Variants in SPATA31E1 observed in about 807,000 individuals in gnomAD.
The protein encoded by SPATA31E1 is SPATA31 subfamily E member 1, also known as spermatogenesis-associated protein 31E1.
Under a neutral mutation model 12.9 loss-of-function variants are expected in SPATA31E1, and 7 were observed. That is an observed-to-expected ratio of 0.54 (90% CI 0.31 to 1.02). The LOEUF (loss-of-function observed/expected upper bound fraction) is 1.02. Among genes scored for constraint, SPATA31E1 ranks in the 50% least tolerant of loss-of-function variants. The pLI, the probability that SPATA31E1 is intolerant of heterozygous loss-of-function variation, is 0.05. For missense variants in SPATA31E1, 1,961 were observed against 1,799.8 expected (o/e 1.09, Z -1.62); for synonymous variants, 771 against 719.0 (o/e 1.07, Z -1.16).
In SPATA31E1 at chr9:87,886,884, T is replaced by C. The variant is rs772625779; in HGVS notation, c.2397T>C (p.Ser799=). Residue 799 remains serine, a synonymous_variant, in exon 4 of 4, where the codon TCT becomes TCC. Transcript: ENST00000325643. ...TGGCCAAATGTGCTGTTCCCAAGTCTGACACCCACAGGAAACCTGGGAAGC... is the reference window on the plus strand; with the variant it reads ...TGGCCAAATGTGCTGTTCCCAAGTCCGACACCCACAGGAAACCTGGGAAGC... The part of the protein sequence containing the change: ...WLMAKCAVPK[S]DTHRKPGKLA... The C allele has an allele frequency of 6.2e-7, 1 of 1,614,092 alleles. No individual in the cohort carries two copies. Among genetic ancestry groups the C allele is most frequent in the South Asian group, 1.1e-5 (1 of 91,086 alleles).
Position 87,884,021 on chromosome 9 carries a change from G to A in SPATA31E1, c.339G>A (p.Arg113=). ...EPQRERSGRS[R]SRKISALKAC... is the part of the protein sequence containing the mutation. ...AAAGGGAGAGAAGCGGGAGGTCCAG[G>A]AGCAGGAAGATCTCAGCTCTGAAAG... Residue 113 remains arginine, a synonymous_variant, in exon 2 of 4, where the codon AGG becomes AGA. Transcript: ENST00000325643. 6.2e-7 allele frequency: 1 copy of A among 1,607,094 alleles called. No homozygotes were observed. The highest frequency in any genetic ancestry group is 1.1e-5 in the South Asian group (1 of 89,332).
chr9:87,883,754 G>A (rs1828211601), intron 1 of SPATA31E1, among the ~76,000 whole-genome samples: 1 of 152,246 alleles, frequency 6.6e-6, no homozygotes. Context: ...CTTGAGCGGA[G>A]GAGCAGGGAC....
chr9:87,887,709 T>TA lies in SPATA31E1; in HGVS notation c.3224dup (p.Asn1075LysfsTer25). 6.2e-7 allele frequency: 1 copy of TA among 1,614,106 alleles called. No individual in the cohort carries two copies. On this transcript the variant is annotated frameshift_variant, in exon 4 of 4. Coordinates refer to ENST00000325643, the MANE Select transcript of SPATA31E1 (RefSeq NM_178828.5). LOFTEE classifies it low-confidence loss of function (END_TRUNC). ...GCACAGGGGCTCTGGGGACCACTGG[T>TA]AACCCCTCAGCGTCTTCAGTCTGTG...
At position 87,886,386 on chromosome 9, in the gene SPATA31E1, T is replaced by C. The variant is rs1370749108; in HGVS notation, c.1899T>C (p.Asn633=). The change falls in exon 4 of 4, where the codon AAT becomes AAC. Residue 633 remains asparagine, a synonymous_variant. Coordinates refer to ENST00000325643, the MANE Select transcript of SPATA31E1 (RefSeq NM_178828.5). The part of the protein sequence containing the change: ...ELPEHWWQGR[N]AIHQEQSCGP... ...CAGAGCACTGGTGGCAAGGAAGGAA[T>C]GCCATCCACCAGGAGCAGTCCTGTG... 6.2e-7 allele frequency: 1 copy of C among 1,613,534 alleles called. No homozygotes were observed. Among genetic ancestry groups the C allele is most frequent in the Admixed American group, 1.7e-5 (1 of 60,002 alleles).
chr9:87,885,707 G>C lies in SPATA31E1; in HGVS notation c.1220G>C (p.Trp407Ser). 10 of 1,613,714 alleles carry C rather than the reference G, an allele frequency of 6.2e-6. No individual in the cohort carries two copies. Among genetic ancestry groups the C allele is most frequent in the Non-Finnish European group, 7.6e-6 (9 of 1,180,016 alleles). ...EWDITTLNPF[W>S]NVSTQPQQLP... ...GACATCACGACCCTAAATCCCTTCT[G>C]GAACGTGTCAACCCAGCCACAGCAG... The change falls in exon 4 of 4, where the codon TGG (tryptophan) becomes TCG (serine). Residue 407 changes from tryptophan (W) to serine (S), a missense_variant. Transcript: ENST00000325643.
intron 2 of SPATA31E1, 149 bp from the exon 3 acceptor site, chr9:87,884,442 T>C (rs1828225437): frequency 1.3e-6 from 1 of 783,022 alleles, no homozygotes; most frequent in Non-Finnish European, 2.1e-6. Context: ...AACCTTCCTG[T>C]CACCATTGGG....
chr9:87,886,106 C>G lies in SPATA31E1; in HGVS notation c.1619C>G (p.Pro540Arg), dbSNP rs2117882915. ...CCAAGCCTGGGGTGCTCTTCTCCAC[C>G]CCAGATTAGGGGCTGTGGGGCATCT... ...PVPSLGCSSP[P>R]QIRGCGASYP... is the part of the protein sequence containing the mutation. The change falls in exon 4 of 4, where the codon CCC (proline) becomes CGC (arginine). Residue 540 changes from proline (P) to arginine (R), a missense_variant. By Grantham distance (103) the Pro-to-Arg change is moderately radical. Transcript: ENST00000325643. The G allele has an allele frequency of 6.2e-7, 1 of 1,605,484 alleles. No individual in the cohort carries two copies. Among genetic ancestry groups the G allele is most frequent in the Non-Finnish European group, 8.5e-7 (1 of 1,174,946 alleles).
chr9:87,888,343 G>A lies in SPATA31E1; in HGVS notation c.3856G>A (p.Val1286Ile), dbSNP rs1232969318. The A allele has an allele frequency of 5.6e-6, 9 of 1,614,066 alleles. No individual in the cohort carries two copies. The highest frequency in any genetic ancestry group is 3.3e-5 in the Admixed American group (2 of 60,012). The change falls in exon 4 of 4, where the codon GTC becomes ATC. Residue 1286 changes from valine to isoleucine, a missense_variant. Val to Ile is a conservative substitution (Grantham distance 29). Transcript: ENST00000325643. Reference protein sequence around the residue: ...PRKGGTRWEDVLQKGKPGADA... With the variant: ...PRKGGTRWEDILQKGKPGADA... ...GAAAGGAGGCACACGGTGGGAAGAT[G>A]TCCTGCAGAAAGGCAAGCCTGGGGC...
intron 3 of SPATA31E1, 89 bp from the exon 4 acceptor site, chr9:87,884,824 G>A: frequency 6.8e-7 from 1 of 1,478,308 alleles, no homozygotes; most frequent in Non-Finnish European, 9.1e-7. Flanking sequence ...TGGGGAGGTG[G>A]AGGAACCGGG....
chr9:87,886,281 C>A lies in SPATA31E1; in HGVS notation c.1794C>A (p.His598Gln), dbSNP rs1391553060. 6.2e-7 allele frequency: 1 copy of A among 1,613,860 alleles called. No individual in the cohort carries two copies. Among genetic ancestry groups the A allele is most frequent in the Non-Finnish European group, 8.5e-7 (1 of 1,180,034 alleles). Residue 598 changes from histidine (H) to glutamine (Q), a missense_variant, in exon 4 of 4, where the codon CAC becomes CAA. Transcript: ENST00000325643. ...SQAVLSQPTA[H>Q]LPQERPASWS... ...CTGTTCTGAGCCAGCCCACTGCCCA[C>A]CTTCCCCAAGAGAGGCCGGCCTCCT...
rs557708519 is a variant in SPATA31E1 at position 87,884,627 on chromosome 9, G to A, written c.401G>A (p.Arg134Gln). ...CTCCTGAGGGAGCTGGAGGAGACTC[G>A]GGACCTGAACTACCTTCTGGAAAGG... ...RILLRELEETRDLNYLLESHL... is the reference protein window; with the variant it reads ...RILLRELEETQDLNYLLESHL... Residue 134 changes from arginine (R) to glutamine (Q), a missense_variant, in exon 3 of 4, where the codon CGG (arginine) becomes CAG (glutamine). Physicochemically the swap from Arg to Gln is conservative, Grantham distance 43. Coordinates refer to ENST00000325643, the MANE Select transcript of SPATA31E1 (RefSeq NM_178828.5). 21 of 1,614,056 alleles carry A rather than the reference G, an allele frequency of 1.3e-5. No homozygotes were observed. Among genetic ancestry groups the A allele is most frequent in the East Asian group, 4.5e-5 (2 of 44,858 alleles).
Position 87,886,397 on chromosome 9 carries a change from A to G in SPATA31E1, c.1910A>G (p.Gln637Arg). 1 of 1,613,756 alleles carries G rather than the reference A, an allele frequency of 6.2e-7. No homozygotes were observed. Among genetic ancestry groups the G allele is most frequent in the Non-Finnish European group, 8.5e-7 (1 of 1,179,884 alleles). Residue 637 changes from glutamine to arginine, a missense_variant, in exon 4 of 4, where the codon CAG becomes CGG. Physicochemically the swap from Gln to Arg is conservative, Grantham distance 43 (BLOSUM62 1). Transcript: ENST00000325643. ...TGGCAAGGAAGGAATGCCATCCACCAGGAGCAGTCCTGTGGCCCTCCCAGC... is the reference window on the plus strand; with the variant it reads ...TGGCAAGGAAGGAATGCCATCCACCGGGAGCAGTCCTGTGGCCCTCCCAGC... ...HWWQGRNAIHQEQSCGPPSRL... is the reference protein window; with the variant it reads ...HWWQGRNAIHREQSCGPPSRL...
At position 87,886,844 on chromosome 9, in the gene SPATA31E1, G is replaced by T. The variant is rs80294513; in HGVS notation, c.2357G>T (p.Arg786Leu). ...GAGGGCTGGATCCCCATGCCTGTGC[G>T]TCGCTCCTGGCTCATGGCCAAATGT... ...IKEGWIPMPV[R>L]RSWLMAKCAV... The change falls in exon 4 of 4, where the codon CGT (arginine) becomes CTT (leucine). Residue 786 changes from arginine (R) to leucine (L), a missense_variant. Physicochemically the swap from Arg to Leu is moderately radical, Grantham distance 102. Coordinates refer to ENST00000325643, the MANE Select transcript of SPATA31E1 (RefSeq NM_178828.5). 1.8e-3 allele frequency: 2,959 copies of T among 1,614,162 alleles called. 10 individuals carry two copies. The highest frequency in any genetic ancestry group is 6.6e-3 in the Middle Eastern group (40 of 6,062).
chr9:87,884,414 A>G (rs1220104416), intron 2 of SPATA31E1, among the ~76,000 whole-genome samples, 177 bp from the exon 3 acceptor site: 16 of 152,190 alleles, frequency 1.1e-4, no homozygotes, highest in Non-Finnish European at 1.9e-4. Flanking sequence ...TGCAAATGAC[A>G]AAGTGCTGCA....
rs1208119417 is a variant in SPATA31E1 at position 87,888,129 on chromosome 9, G to A, written c.3642G>A (p.Glu1214=). Residue 1214 remains glutamate, a synonymous_variant, in exon 4 of 4, where the codon GAG becomes GAA. Transcript: ENST00000325643. ...CCCACAGGAGGCCCAGAACAGGGGAGCAGGGACACAGGTCCAAGGGACCCA... is the reference window on the plus strand; with the variant it reads ...CCCACAGGAGGCCCAGAACAGGGGAACAGGGACACAGGTCCAAGGGACCCA... ...GEAHRRPRTG[E]QGHRSKGPRT... is the part of the protein sequence containing the mutation. 4.4e-6 allele frequency: 7 copies of A among 1,608,220 alleles called. No individual in the cohort carries two copies. In the African/African-American group the frequency reaches 5.3e-5, roughly 12 times the overall value.
chr9:87,885,421 G>A lies in SPATA31E1; in HGVS notation c.934G>A (p.Ala312Thr). Residue 312 changes from alanine to threonine, a missense_variant, in exon 4 of 4, where the codon GCT (alanine) becomes ACT (threonine). Transcript: ENST00000325643. ...CTGGGACCTCTATTGCTGGAGGGAGGCTGCCACCACCTGGGGCCTCTCCAC... is the reference window on the plus strand; with the variant it reads ...CTGGGACCTCTATTGCTGGAGGGAGACTGCCACCACCTGGGGCCTCTCCAC... Reference protein sequence around the residue: ...PIWDLYCWREAATTWGLSTYS... With the variant: ...PIWDLYCWRETATTWGLSTYS... The A allele has an allele frequency of 6.2e-7, 1 of 1,613,956 alleles. No homozygotes were observed. Among genetic ancestry groups the A allele is most frequent in the Non-Finnish European group, 8.5e-7 (1 of 1,179,944 alleles).
chr9:87,884,471 C>G, intron 2 of SPATA31E1, 120 bp from the exon 3 acceptor site: 2 of 1,026,460 alleles, frequency 1.9e-6, no homozygotes, highest in Non-Finnish European at 3.0e-6. Flanking sequence ...GCCTCGGACA[C>G]AGATGCGAGG....
Position 87,886,657 on chromosome 9 carries a change from A to G in SPATA31E1, c.2170A>G (p.Arg724Gly), listed in dbSNP as rs1476578207. 1.2e-6 allele frequency: 2 copies of G among 1,613,912 alleles called. No individual in the cohort carries two copies. The highest frequency in any genetic ancestry group is 2.2e-5 in the South Asian group (2 of 91,090). ...CCCAAGCCGGGATCAAGGCTCAGGA[A>G]GGACCTCAGTGAAGGCTCTGGACGA... Reference protein sequence around the residue: ...PDPSRDQGSGRTSVKALDEDK... With the variant: ...PDPSRDQGSGGTSVKALDEDK... Residue 724 changes from arginine (R) to glycine (G), a missense_variant, in exon 4 of 4, where the codon AGG becomes GGG. Transcript: ENST00000325643.
chr9:87,886,304 C>T lies in SPATA31E1; in HGVS notation c.1817C>T (p.Ser606Phe). The change falls in exon 4 of 4, where the codon TCC (serine) becomes TTC (phenylalanine). Residue 606 changes from serine (S) to phenylalanine (F), a missense_variant. By Grantham distance (155) the Ser-to-Phe change is radical. Coordinates refer to ENST00000325643, the MANE Select transcript of SPATA31E1 (RefSeq NM_178828.5). Reference protein sequence around the residue: ...TAHLPQERPASWSPKSAPILP... With the variant: ...TAHLPQERPAFWSPKSAPILP... ...CACCTTCCCCAAGAGAGGCCGGCCTCCTGGAGCCCCAAGTCAGCCCCCATC... is the reference window on the plus strand; with the variant it reads ...CACCTTCCCCAAGAGAGGCCGGCCTTCTGGAGCCCCAAGTCAGCCCCCATC... 6.2e-7 allele frequency: 1 copy of T among 1,613,690 alleles called. No homozygotes were observed. Among genetic ancestry groups the T allele is most frequent in the East Asian group, 2.2e-5 (1 of 44,866 alleles).
Sources: gnomAD v4.1 joint callset for allele counts (sites outside exome capture counted in the v4.1 genomes callset) on GRCh38, gnomAD v4.1.1 for gene constraint, MANE v1.5 for transcripts, NCBI Gene and HGNC (gene_info 2026-07-23, HGNC 2026-07-21) for gene names.